Variants in SUMF1 observed in about 807,000 individuals in gnomAD.
The protein encoded by SUMF1 is formylglycine-generating enzyme.
A neutral mutation model predicts 47.6 loss-of-function variants in SUMF1; 48 were observed. That is an observed-to-expected ratio of 1.01 (90% CI 0.80 to 1.28). SUMF1 has a LOEUF of 1.28. SUMF1 is among the 50% of genes most tolerant of loss of function. The pLI, the probability that SUMF1 is intolerant of heterozygous loss-of-function variation, is 0.00. For missense variants in SUMF1, 571 were observed against 485.4 expected, an observed-to-expected ratio of 1.18 and a Z score of -1.66; for synonymous variants, 230 against 192.1, an observed-to-expected ratio of 1.20 and a Z score of -1.63.
At chr3:4,259,044 A>T (rs1373293691) in intron 8 of SUMF1, among the ~76,000 whole-genome samples, 1 of 147,722 alleles carries the variant, frequency 6.8e-6, no homozygotes, top group Admixed American at 6.9e-5. Flanking sequence ...ATTCTCACTC[A>T]TAGGTGGGAA....
chr3:4,455,427 A>T (rs955985044), intron 1 of SUMF1, among the ~76,000 whole-genome samples: 13 of 152,172 alleles, frequency 8.5e-5, no homozygotes, highest in South Asian at 2.1e-4. Context: ...AAATAATTTT[A>T]AAAATTGGCC....
intron 8 of SUMF1, among the ~76,000 whole-genome samples, chr3:4,278,992 T>C (rs1358171382): frequency 1.3e-5 from 2 of 152,176 alleles, no homozygotes; most frequent in African/African-American, 4.8e-5. Flanking sequence ...TATGCATTTC[T>C]AATTTTATTT....
intron 8 of SUMF1, among the ~76,000 whole-genome samples, chr3:4,331,198 CTG>C: frequency 6.7e-6 from 1 of 148,516 alleles, no homozygotes; most frequent in Non-Finnish European, 1.5e-5. Flanking sequence ...GTAGTTTTAT[CTG>C]TCCTTTTTTT....
intron 6 of SUMF1, among the ~76,000 whole-genome samples, chr3:4,415,245 A>AC (rs1442217701): frequency 8.1e-5 from 12 of 147,286 alleles, no homozygotes; most frequent in African/African-American, 2.5e-4. Context: ...AAAAAAAAAA[A>AC]CAGACAGAAA....
At chr3:4,129,338 T>G (rs1693730915) in intron 8 of SUMF1, among the ~76,000 whole-genome samples, 1 of 152,124 alleles carries the variant, frequency 6.6e-6, no homozygotes, top group African/African-American at 2.4e-5. Flanking sequence ...ATCAGAATAA[T>G]CTGACTAATG....
chr3:4,054,686 T>G (rs1373197692), intron 9 of SUMF1, among the ~76,000 whole-genome samples: 1 of 152,164 alleles, frequency 6.6e-6, no homozygotes, highest in African/African-American at 2.4e-5. Context: ...AGATATCAAC[T>G]GAAGGTCTGC....
intron 8 of SUMF1, among the ~76,000 whole-genome samples, chr3:4,088,080 G>A (rs1459120589): frequency 6.6e-6 from 1 of 152,146 alleles, no homozygotes; most frequent in Non-Finnish European, 1.5e-5. Context: ...TGATACGTCA[G>A]TGAGATGTAT....
At chr3:4,183,013 T>C (rs1012737284) in intron 8 of SUMF1, among the ~76,000 whole-genome samples, 2 of 152,136 alleles carry the variant, frequency 1.3e-5, no homozygotes, top group African/African-American at 2.4e-5. Context: ...GGGTTTAATG[T>C]GTGACCATAT....
At chr3:4,282,548 G>A (rs1174816889) in intron 8 of SUMF1, among the ~76,000 whole-genome samples, 1 of 152,140 alleles carries the variant, frequency 6.6e-6, no homozygotes, top group African/African-American at 2.4e-5. Context: ...AATCCTTATG[G>A]TAACATGAAT....
In SUMF1 at chr3:4,336,484, A is replaced by G. The variant is rs11923406; in HGVS notation, c.1014+39846T>C. Reference sequence around the variant, plus strand: ...TGACACGGGTTGTGAAATTACAGTTATCTATTTGGGTACAAAAGGAAAAAA... The same window carrying G: ...TGACACGGGTTGTGAAATTACAGTTGTCTATTTGGGTACAAAAGGAAAAAA... On this transcript the variant is annotated intron_variant and NMD_transcript_variant, in intron 8 of 12. Coordinates refer to the SUMF1 transcript ENST00000448413. Among the ~76,000 whole-genome samples, 1,506 of 152,300 alleles carry G rather than the reference A, an allele frequency of 9.9e-3. 19 individuals are homozygous for G. Among genetic ancestry groups the G allele is most frequent in the African/African-American group, 0.033 (1,366 of 41,560 alleles).
At chr3:4,179,617 C>G (rs1326967132) in intron 8 of SUMF1, among the ~76,000 whole-genome samples, 2 of 152,094 alleles carry the variant, frequency 1.3e-5, no homozygotes, top group African/African-American at 4.8e-5. Context: ...CAATACCATT[C>G]AGGACATAGG....
intron 8 of SUMF1, among the ~76,000 whole-genome samples, chr3:4,178,644 G>A (rs575950039): frequency 2.6e-5 from 4 of 152,180 alleles, no homozygotes; most frequent in East Asian, 1.9e-4. Flanking sequence ...ACAGGGCTGC[G>A]CTCTCTCACC....
chr3:4,351,634 A>T (rs1263427987), intron 8 of SUMF1, among the ~76,000 whole-genome samples: 2 of 151,584 alleles, frequency 1.3e-5, no homozygotes, highest in African/African-American at 4.9e-5. Flanking sequence ...CGCCGCCCCT[A>T]AAAAAAAGTC....
chr3:4,418,276 GCTACATCTGTCA>G lies in SUMF1; in HGVS notation c.603-156_603-145del, dbSNP rs1231815019. 35 of 1,262,294 alleles carry G rather than the reference GCTACATCTGTCA, an allele frequency of 2.8e-5. No individual in the cohort carries two copies. The African/African-American group carries it at 4.3e-4, about 16-fold the overall frequency. The allele number at this position is 1,262,294 out of a possible 1,614,324, so 78.2% of individuals were successfully genotyped here. On this transcript the variant is annotated intron_variant, in intron 4 of 8. Coordinates refer to ENST00000272902, the MANE Select transcript of SUMF1 (RefSeq NM_182760.4). ...GGTCCTTAAGTCAAACCCCAGCCAT[GCTACATCTGTCA>G]TGCTCCACCAACGGTTTCTGACAAC...
At chr3:4,208,742 C>A (rs886409400) in intron 8 of SUMF1, among the ~76,000 whole-genome samples, 3 of 151,902 alleles carry the variant, frequency 2.0e-5, no homozygotes, top group Non-Finnish European at 4.4e-5. Flanking sequence ...AAACCCCAAG[C>A]TTGAGTATGT....
intron 8 of SUMF1, among the ~76,000 whole-genome samples, chr3:4,341,193 T>C (rs1317590066): frequency 6.6e-6 from 1 of 152,078 alleles, no homozygotes; most frequent in Non-Finnish European, 1.5e-5. Flanking sequence ...GCCAGATTTG[T>C]TCTCCTCAGT....
intron 8 of SUMF1, among the ~76,000 whole-genome samples, chr3:4,104,799 A>G (rs1693120660): frequency 6.6e-6 from 1 of 151,388 alleles, no homozygotes; most frequent in Non-Finnish European, 1.5e-5. Flanking sequence ...AGCCTCTTTC[A>G]CCCTTTGCTT....
intron 8 of SUMF1, 31 bp from the exon 9 acceptor site, chr3:4,362,285 T>C (rs550647107): frequency 2.9e-5 from 46 of 1,585,692 alleles, no homozygotes; most frequent in Non-Finnish European, 3.8e-5. Context: ...AGGTAAGTGC[T>C]ACTGGGACTC....
intron 8 of SUMF1, among the ~76,000 whole-genome samples, chr3:4,269,386 G>A (rs1441821390): frequency 6.6e-6 from 1 of 152,016 alleles, no homozygotes; most frequent in Admixed American, 6.6e-5. Flanking sequence ...TTCACTATTA[G>A]CAACACAAAC....
Sources: allele counts gnomAD v4.1 joint callset (sites outside exome capture counted in the v4.1 genomes callset), GRCh38; gene constraint gnomAD v4.1.1; transcripts MANE v1.5; gene names NCBI Gene and HGNC (gene_info 2026-07-23, HGNC 2026-07-21).